FBXL7: variants seen among roughly 807,000 people sequenced by gnomAD.
FBXL7 encodes F-box and leucine rich repeat protein 7.
A neutral mutation model predicts 38.3 loss-of-function variants in FBXL7; 12 were observed. The observed-to-expected ratio is 0.31, with a 90% CI of 0.20 to 0.51. The LOEUF is 0.51. FBXL7 is among the 20% of genes least tolerant of loss of function. The pLI is 0.98. For synonymous variants in FBXL7, 297 were observed against 300.9 expected, an observed-to-expected ratio of 0.99 and a Z score of 0.13; for missense variants, 567 against 676.4, an observed-to-expected ratio of 0.84 and a Z score of 1.79.
chr5:15,682,236 T>G (rs1742865369), intron 2 of FBXL7, among the ~76,000 whole-genome samples: 2 of 152,198 alleles, frequency 1.3e-5, no homozygotes, highest in Non-Finnish European at 2.9e-5. Flanking sequence ...GAAGAGATAC[T>G]GTCGAGGTTC....
At chr5:15,833,860 A>G (rs1053907088) in intron 2 of FBXL7, among the ~76,000 whole-genome samples, 1 of 152,196 alleles carries the variant, frequency 6.6e-6, no homozygotes. Context: ...TTTCGTGATG[A>G]TATTGACTAC....
chr5:15,507,648 G>T (rs1251466265), intron 1 of FBXL7, among the ~76,000 whole-genome samples: 1 of 152,172 alleles, frequency 6.6e-6, no homozygotes, highest in African/African-American at 2.4e-5. Context: ...ATAAAATCTA[G>T]AGTGAATAAA....
intron 1 of FBXL7, among the ~76,000 whole-genome samples, chr5:15,614,274 CTT>C (rs375128237): frequency 4.7e-5 from 6 of 126,512 alleles, no homozygotes; most frequent in Non-Finnish European, 3.4e-5. Flanking sequence ...CTTTTCTTTT[CTT>C]TTTTTTTTTT....
chr5:15,794,179 T>TA (rs1430867196), intron 2 of FBXL7, among the ~76,000 whole-genome samples: 1 of 152,216 alleles, frequency 6.6e-6, no homozygotes, highest in Non-Finnish European at 1.5e-5. Context: ...CTCTGTTGGC[T>TA]AAAAGCGGAA....
chr5:15,529,226 C>T (rs138716947), intron 1 of FBXL7, among the ~76,000 whole-genome samples: 85 of 152,240 alleles, frequency 5.6e-4, no homozygotes, highest in Non-Finnish European at 1.0e-3. Flanking sequence ...CAAGTTTATT[C>T]GTGTTGTCAC....
At chr5:15,892,297 C>T (rs1031456326) in intron 2 of FBXL7, among the ~76,000 whole-genome samples, 1 of 152,224 alleles carries the variant, frequency 6.6e-6, no homozygotes, top group African/African-American at 2.4e-5. Context: ...AGGTGGTTGA[C>T]ACACGGTAGG....
intron 1 of FBXL7, among the ~76,000 whole-genome samples, chr5:15,583,708 A>C (rs1423995486): frequency 6.6e-6 from 1 of 152,178 alleles, no homozygotes; most frequent in Non-Finnish European, 1.5e-5. Context: ...GCTGTCGTTG[A>C]GTGCCTGCAG....
At chr5:15,906,507 C>CA (rs370444716) in intron 2 of FBXL7, among the ~76,000 whole-genome samples, 8,504 of 138,262 alleles carry the variant, frequency 0.062, 935 homozygotes, top group African/African-American at 0.22. Context: ...TCAGGATCCA[C>CA]AAAAAATTTT....
At chr5:15,752,293 A>AG (rs1736175243) in intron 2 of FBXL7, among the ~76,000 whole-genome samples, 1 of 148,468 alleles carries the variant, frequency 6.7e-6, no homozygotes, top group Non-Finnish European at 1.5e-5. Flanking sequence ...ATAAAATTGC[A>AG]GGGAAGGGGT....
chr5:15,673,186 G>A (rs1187834390), intron 2 of FBXL7, among the ~76,000 whole-genome samples: 1 of 151,980 alleles, frequency 6.6e-6, no homozygotes, highest in Non-Finnish European at 1.5e-5. Context: ...CCTGGTGGCG[G>A]GCACCTGTAA....
intron 2 of FBXL7, among the ~76,000 whole-genome samples, chr5:15,722,191 C>G (rs374234250): frequency 1.3e-5 from 2 of 152,234 alleles, no homozygotes; most frequent in East Asian, 1.9e-4. Context: ...GCCAGTCACT[C>G]AAAAATATAC....
At chr5:15,508,820 T>C (rs913574545) in intron 1 of FBXL7, among the ~76,000 whole-genome samples, 7 of 152,216 alleles carry the variant, frequency 4.6e-5, no homozygotes, top group African/African-American at 7.2e-5. Context: ...TCTATCTAAA[T>C]ATATTTAGAT....
At chr5:15,541,032 A>C (rs1451112546) in intron 1 of FBXL7, among the ~76,000 whole-genome samples, 1 of 151,198 alleles carries the variant, frequency 6.6e-6, no homozygotes, top group Non-Finnish European at 1.5e-5. Flanking sequence ...CCTTATCCAT[A>C]TATGTATATG....
At chr5:15,504,717 A>C (rs567124517) in intron 1 of FBXL7, among the ~76,000 whole-genome samples, 1 of 152,188 alleles carries the variant, frequency 6.6e-6, no homozygotes, top group Non-Finnish European at 1.5e-5. Context: ...GTGTAAGTCC[A>C]TGTGTAGAAA....
intron 2 of FBXL7, among the ~76,000 whole-genome samples, chr5:15,801,663 G>A (rs548055938): frequency 6.2e-4 from 94 of 150,554 alleles, no homozygotes; most frequent in Admixed American, 1.7e-3. Context: ...GTGTGCGCGC[G>A]CGCGTGTGTG....
intron 2 of FBXL7, among the ~76,000 whole-genome samples, chr5:15,863,307 A>G (rs750476861): frequency 6.6e-6 from 1 of 152,274 alleles, no homozygotes; most frequent in Non-Finnish European, 1.5e-5. Flanking sequence ...CACTTGGAAC[A>G]TGTGCTTTCT....
chr5:15,778,182 A>G (rs967628721), intron 2 of FBXL7, among the ~76,000 whole-genome samples: 5 of 152,038 alleles, frequency 3.3e-5, no homozygotes, highest in Non-Finnish European at 7.4e-5. Flanking sequence ...TCTCTATAAT[A>G]AGGTATCATC....
At chr5:15,688,441 A>G (rs1408532482) in intron 2 of FBXL7, among the ~76,000 whole-genome samples, 1 of 152,186 alleles carries the variant, frequency 6.6e-6, no homozygotes, top group Admixed American at 6.5e-5. Context: ...GCATTCCTAC[A>G]TGTGTAGGTC....
intron 2 of FBXL7, among the ~76,000 whole-genome samples, chr5:15,897,145 C>A (rs1218016618): frequency 6.6e-6 from 1 of 151,926 alleles, no homozygotes; most frequent in Non-Finnish European, 1.5e-5. Flanking sequence ...TCTATATATA[C>A]GTATATATTT....
Sources: allele counts gnomAD v4.1 joint callset (sites outside exome capture counted in the v4.1 genomes callset), GRCh38; gene constraint gnomAD v4.1.1; transcripts MANE v1.5; gene names NCBI Gene and HGNC (gene_info 2026-07-23, HGNC 2026-07-21).